TBC1D10B: variants seen among roughly 807,000 people sequenced by gnomAD.
TBC1D10B encodes the protein Rab27A-GAPbeta.
Under a neutral mutation model 78.4 loss-of-function variants are expected in TBC1D10B, and 25 were observed. The observed-to-expected ratio is 0.32, with a 90% CI of 0.23 to 0.45. TBC1D10B has a LOEUF of 0.45. Among genes scored for constraint, TBC1D10B ranks in the 20% least tolerant of loss-of-function variants. The pLI is 1.00. For missense variants in TBC1D10B, 996 were observed against 1,104.8 expected, an observed-to-expected ratio of 0.90 and a Z score of 1.40; for synonymous variants, 517 against 478.0, an observed-to-expected ratio of 1.08 and a Z score of -1.06.
Position 30,369,102 on chromosome 16 carries a change from T to C in TBC1D10B, c.956+126A>G, listed in dbSNP as rs927360160. 3.0e-6 allele frequency: 3 copies of C among 1,011,490 alleles called. No homozygotes were observed. The African/African-American group carries it at 4.9e-5, about 17-fold the overall frequency. 62.7% of individuals were successfully genotyped at this position (1,011,490 alleles called of 1,614,324 possible). Reference sequence around the variant, plus strand: ...CTCAAGACACGGCAGCTCGCGCTGATCACCCCGTGGATCCTCAGAGGAGGC... The same window carrying C: ...CTCAAGACACGGCAGCTCGCGCTGACCACCCCGTGGATCCTCAGAGGAGGC... On this transcript the variant is annotated intron_variant, in intron 1 of 8. Coordinates refer to ENST00000409939, the MANE Select transcript of TBC1D10B (RefSeq NM_015527.4). The surrounding 1 kb of genome is among the most constrained non-coding windows in gnomAD (Gnocchi z 4.3).
In TBC1D10B at chr16:30,359,263, C is replaced by T. The variant is rs2049582631; in HGVS notation, c.1551G>A (p.Val517=). 15 of 1,611,706 alleles carry T rather than the reference C, an allele frequency of 9.3e-6. No homozygotes were observed. Among genetic ancestry groups the T allele is most frequent in the Non-Finnish European group, 1.1e-5 (13 of 1,179,004 alleles). Residue 517 remains valine (V), a synonymous_variant, in exon 7 of 9, where the codon GTG becomes GTA. Coordinates refer to ENST00000409939, the MANE Select transcript of TBC1D10B (RefSeq NM_015527.4). The part of the protein sequence containing the change: ...RHLRRQRIDP[V]LYMTEWFMCI... ...ACATGAACCACTCCGTCATGTAGAG[C>T]ACAGGGTCAATGCGCTGCCGCCGCA...
Position 30,365,739 on chromosome 16 carries a change from C to T in TBC1D10B, c.957-145G>A, listed in dbSNP as rs1348950206. 1 of 719,038 alleles carries T rather than the reference C, an allele frequency of 1.4e-6. No homozygotes were observed. The highest frequency in any genetic ancestry group is 2.4e-6 in the Non-Finnish European group (1 of 418,578). 44.5% of individuals were successfully genotyped at this position (719,038 alleles called of 1,614,324 possible). A position where few individuals can be genotyped will look rare whatever the true frequency, so the allele number is the denominator to read the frequency against. On this transcript the variant is annotated intron_variant, in intron 1 of 8. Transcript: ENST00000409939. The surrounding 1 kb of genome is among the most constrained non-coding windows in gnomAD (Gnocchi z 5.0). ...TGCCAAACATCAGGATGTCTGGCCA[C>T]TTGGGCATCCCAAGGCACACTGAAA...
intron 5 of TBC1D10B, 60 bp downstream of exon 5, chr16:30,359,667 C>T: frequency 2.6e-6 from 4 of 1,553,198 alleles, no homozygotes; most frequent in Middle Eastern, 3.3e-4. Context: ...GGAGCTCCCC[C>T]ATCACCACTG....
chr16:30,365,392 T>G lies in TBC1D10B; in HGVS notation c.1056+103A>C, dbSNP rs2049628770. ...CCCGCCAGGGCCCATCTATCCCCAG[T>G]GTGGTCCAGAGGGCAGATATTATCG... On this transcript the variant is annotated intron_variant, in intron 2 of 8. Transcript: ENST00000409939. The surrounding 1 kb of genome is among the most constrained non-coding windows in gnomAD (Gnocchi z 5.0). The G allele has an allele frequency of 7.1e-7, 1 of 1,412,862 alleles. No homozygotes were observed. The highest frequency in any genetic ancestry group is 1.0e-6 in the Non-Finnish European group (1 of 999,158). 87.5% of individuals were successfully genotyped at this position (1,412,862 alleles called of 1,614,324 possible).
In TBC1D10B at chr16:30,365,102, C is replaced by T. The variant is rs375858702; in HGVS notation, c.1164+3G>A. ...TGTCCCCACACCTTGGAGCTGCACG[C>T]ACCTCAAACTTTCCTGGGTTCTGCT... is the stretch of plus-strand genomic sequence containing the variant. On this transcript the variant is annotated splice_donor_region_variant and intron_variant, in intron 3 of 8. Coordinates refer to ENST00000409939, the MANE Select transcript of TBC1D10B (RefSeq NM_015527.4). The surrounding 1 kb of genome is among the most constrained non-coding windows in gnomAD (Gnocchi z 5.0). 2.9e-5 allele frequency: 47 copies of T among 1,613,842 alleles called. No homozygotes were observed. In the Middle Eastern group the frequency reaches 4.9e-4, roughly 17 times the overall value.
chr16:30,357,644 C>A lies in TBC1D10B; in HGVS notation c.*300G>T. The A allele has an allele frequency of 2.1e-6, 1 of 485,808 alleles. No individual in the cohort carries two copies. Among genetic ancestry groups the A allele is most frequent in the East Asian group, 3.4e-5 (1 of 29,698 alleles). The allele number at this position is 485,808 out of a possible 1,614,324, so 30.1% of individuals were successfully genotyped here. A position where few individuals can be genotyped will look rare whatever the true frequency, so the allele number is the denominator to read the frequency against. ...GCTGACTCCCATCACCAGGAGTCACCCCTGGGATGACAACGGGCCATTCAG... is the reference window on the plus strand; with the variant it reads ...GCTGACTCCCATCACCAGGAGTCACACCTGGGATGACAACGGGCCATTCAG... On this transcript the variant is annotated 3_prime_UTR_variant, in exon 9 of 9. Transcript: ENST00000409939.
rs1346389705 is a variant in TBC1D10B at position 30,369,741 on chromosome 16, G to T, written c.443C>A (p.Thr148Asn). The T allele has an allele frequency of 6.8e-7, 1 of 1,463,750 alleles. No individual in the cohort carries two copies. The highest frequency in any genetic ancestry group is 1.4e-5 in the South Asian group (1 of 70,498). The allele number at this position is 1,463,750 out of a possible 1,614,324, so 90.7% of individuals were successfully genotyped here. A position where few individuals can be genotyped will look rare whatever the true frequency, so the allele number is the denominator to read the frequency against. Residue 148 changes from threonine (T) to asparagine (N), a missense_variant, in exon 1 of 9, where the codon ACC becomes AAC. This residue lies in a region of TBC1D10B where 448 missense variants were observed against 442.1 expected (regional missense o/e 1.01). Coordinates refer to ENST00000409939, the MANE Select transcript of TBC1D10B (RefSeq NM_015527.4). This position sits in a 1 kb window ranked among gnomAD's most constrained non-coding sequence, Gnocchi z 4.3. ...GGTCCTGGTAGGGGTCCCGGTGGGG[G>T]TCCCTGGTCCTGGGGCGGGTGAGGG... ...ARPSPAPGPG[T>N]PTGTPTRTPS...
intron 4 of TBC1D10B, 89 bp downstream of exon 4, chr16:30,364,811 C>T: frequency 7.8e-7 from 1 of 1,288,432 alleles, no homozygotes. Flanking sequence ...GCAAAAACCA[C>T]TTTCGACTCA....
At position 30,365,370 on chromosome 16, in the gene TBC1D10B, G is replaced by T; in HGVS notation, c.1056+125C>A. On this transcript the variant is annotated intron_variant, in intron 2 of 8. Coordinates refer to ENST00000409939, the MANE Select transcript of TBC1D10B (RefSeq NM_015527.4). This position sits in a 1 kb window ranked among gnomAD's most constrained non-coding sequence, Gnocchi z 5.0. The stretch of plus-strand genomic sequence containing the variant: ...CTTCTATTTTTAAAGCCATTCCCCC[G>T]CCAGGGCCCATCTATCCCCAGTGTG... 7.6e-7 allele frequency: 1 copy of T among 1,312,586 alleles called. No homozygotes were observed. The allele number at this position is 1,312,586 out of a possible 1,614,324, so 81.3% of individuals were successfully genotyped here. A position where few individuals can be genotyped will look rare whatever the true frequency, so the allele number is the denominator to read the frequency against.
In TBC1D10B at chr16:30,369,860, G is replaced by A. The variant is rs571529515; in HGVS notation, c.324C>T (p.Gly108=). The A allele has an allele frequency of 3.6e-6, 5 of 1,403,650 alleles. No individual in the cohort carries two copies. In the African/African-American group the frequency reaches 7.3e-5, roughly 21 times the overall value. The allele number at this position is 1,403,650 out of a possible 1,614,324, so 86.9% of individuals were successfully genotyped here. A position where few individuals can be genotyped will look rare whatever the true frequency, so the allele number is the denominator to read the frequency against. ...PEAPKPQLPS[G]PESPEPAAVA... is the part of the protein sequence containing the mutation. ...CTGCCGCGGGCTCTGGGGATTCCGG[G>A]CCGGAGGGGAGCTGCGGCTTTGGGG... The change falls in exon 1 of 9, where the codon GGC becomes GGT. Residue 108 remains glycine (G), a synonymous_variant. Transcript: ENST00000409939. This position sits in a 1 kb window ranked among gnomAD's most constrained non-coding sequence, Gnocchi z 4.3.
chr16:30,358,624 C>G, intron 8 of TBC1D10B, 39 bp downstream of exon 8: 1 of 1,588,556 alleles, frequency 6.3e-7, no homozygotes, highest in Non-Finnish European at 8.6e-7. Flanking sequence ...TGGGAGCGGG[C>G]TGAGGCAGGC....
rs572145196 is a variant in TBC1D10B at position 30,358,041 on chromosome 16, C to A, written c.2330G>T (p.Arg777Leu). Residue 777 changes from arginine (R) to leucine (L), a missense_variant, in exon 9 of 9, where the codon CGG becomes CTG. By Grantham distance (102) the Arg-to-Leu change is moderately radical. Around this residue, in one of 5 missense-constraint regions of TBC1D10B, gnomAD observed 285 missense variants for 252.5 expected, o/e 1.13. Transcript: ENST00000409939. ...RQKQEKKAQGRKLSLRRKADG... is the reference protein window; with the variant it reads ...RQKQEKKAQGLKLSLRRKADG... ...TGCCTTTCGACGCAGCGAAAGCTTC[C>A]GGCCTTGAGCCTTCTTCTCCTGCTT... is the stretch of plus-strand genomic sequence containing the variant. 2.8e-5 allele frequency: 43 copies of A among 1,551,850 alleles called. No individual in the cohort carries two copies. Among genetic ancestry groups the A allele is most frequent in the Non-Finnish European group, 3.6e-5 (41 of 1,146,990 alleles).
chr16:30,365,394 T>G lies in TBC1D10B; in HGVS notation c.1056+101A>C. On this transcript the variant is annotated intron_variant, in intron 2 of 8. Transcript: ENST00000409939. The surrounding 1 kb of genome is among the most constrained non-coding windows in gnomAD (Gnocchi z 5.0). ...CGCCAGGGCCCATCTATCCCCAGTG[T>G]GGTCCAGAGGGCAGATATTATCGGC... 7.1e-7 allele frequency: 1 copy of G among 1,411,002 alleles called. No individual in the cohort carries two copies. Among genetic ancestry groups the G allele is most frequent in the Non-Finnish European group, 1.0e-6 (1 of 997,066 alleles). The allele number at this position is 1,411,002 out of a possible 1,614,324, so 87.4% of individuals were successfully genotyped here. A position where few individuals can be genotyped will look rare whatever the true frequency, so the allele number is the denominator to read the frequency against.
At chr16:30,359,106 G>A in intron 7 of TBC1D10B, 66 bp downstream of exon 7, 1 of 1,512,816 alleles carries the variant, frequency 6.6e-7, no homozygotes, top group Non-Finnish European at 8.9e-7. Context: ...CCAGAAATAT[G>A]ACAGAACCCC....
In TBC1D10B at chr16:30,370,224, G is replaced by A. The variant is rs1386047780; in HGVS notation, c.-41C>T. The stretch of plus-strand genomic sequence containing the variant: ...CTCACATCCCCCCGCCGGGGAGGCC[G>A]CAGAAGGCGCCGCCCCTCGGGCCTC... On this transcript the variant is annotated 5_prime_UTR_variant, in exon 1 of 9. Coordinates refer to ENST00000409939, the MANE Select transcript of TBC1D10B (RefSeq NM_015527.4). The A allele has an allele frequency of 9.6e-6, 10 of 1,044,654 alleles. No individual in the cohort carries two copies. Among genetic ancestry groups the A allele is most frequent in the African/African-American group, 1.7e-5 (1 of 59,068 alleles). 64.7% of individuals were successfully genotyped at this position (1,044,654 alleles called of 1,614,324 possible).
In TBC1D10B at chr16:30,357,966, G is replaced by A. The variant is rs770896949; in HGVS notation, c.2405C>T (p.Ala802Val). The A allele has an allele frequency of 2.4e-5, 37 of 1,551,184 alleles. No homozygotes were observed. Among genetic ancestry groups the A allele is most frequent in the Non-Finnish European group, 3.1e-5 (35 of 1,146,834 alleles). Reference sequence around the variant, plus strand: ...AGGTCAGAAGTAAGCGTCCTGCCGGGCCTCGGCTGAGGGCCTGTCCCCACC... The same window carrying A: ...AGGTCAGAAGTAAGCGTCCTGCCGGACCTCGGCTGAGGGCCTGTCCCCACC... ...HDGGDRPSAEARQDAYF is the reference protein window; with the variant it reads ...HDGGDRPSAEVRQDAYF The change falls in exon 9 of 9, where the codon GCC becomes GTC. Residue 802 changes from alanine to valine, a missense_variant. Ala to Val is a moderately conservative substitution (Grantham distance 64, BLOSUM62 0). Coordinates refer to ENST00000409939, the MANE Select transcript of TBC1D10B (RefSeq NM_015527.4).
chr16:30,357,693 G>T lies in TBC1D10B; in HGVS notation c.*251C>A. 1.7e-6 allele frequency: 1 copy of T among 604,600 alleles called. No homozygotes were observed. Among genetic ancestry groups the T allele is most frequent in the South Asian group, 2.1e-5 (1 of 47,032 alleles). The allele number at this position is 604,600 out of a possible 1,614,324, so 37.5% of individuals were successfully genotyped here. A position where few individuals can be genotyped will look rare whatever the true frequency, so the allele number is the denominator to read the frequency against. On this transcript the variant is annotated 3_prime_UTR_variant, in exon 9 of 9. Coordinates refer to ENST00000409939, the MANE Select transcript of TBC1D10B (RefSeq NM_015527.4). Reference sequence around the variant, plus strand: ...AGGACAGCACCTAGGAGGGGACCCAGAGGGAACTGGGGCAGGAGCGACAGA... The same window carrying T: ...AGGACAGCACCTAGGAGGGGACCCATAGGGAACTGGGGCAGGAGCGACAGA...
At chr16:30,366,338 C>G (rs1233980380) in intron 1 of TBC1D10B, 1 of 151,982 alleles carries the variant, frequency 6.6e-6, no homozygotes, top group Non-Finnish European at 1.5e-5. Flanking sequence ...AACCCTGTCT[C>G]TACTATAAAT....
At chr16:30,362,262 G>A (rs2049604658) in intron 4 of TBC1D10B, among the ~76,000 whole-genome samples, 1 of 152,186 alleles carries the variant, frequency 6.6e-6, no homozygotes, top group African/African-American at 2.4e-5. Flanking sequence ...TGGGATTACA[G>A]GTGTGAGCCA....
Sources: allele counts gnomAD v4.1 joint callset (sites outside exome capture counted in the v4.1 genomes callset), GRCh38; gene constraint gnomAD v4.1.1; regional missense constraint gnomAD v4.1.1; non-coding constraint Gnocchi (gnomAD v3.1); transcripts MANE v1.5; gene names NCBI Gene and HGNC (gene_info 2026-07-23, HGNC 2026-07-21).